PCMTD2: variants seen among roughly 807,000 people sequenced by gnomAD.
The protein encoded by PCMTD2 is protein-L-isoaspartate O-methyltransferase domain-containing protein 2.
Under a neutral mutation model 33.4 loss-of-function variants are expected in PCMTD2, and 16 were observed. That is an observed-to-expected ratio of 0.48 (90% CI 0.32 to 0.73). The LOEUF (loss-of-function observed/expected upper bound fraction) is 0.73. Among genes scored for constraint, PCMTD2 ranks in the 30% least tolerant of loss-of-function variants. The probability of loss-of-function intolerance (pLI) is 0.03; values close to 1 mark genes in which losing one functional copy is unlikely to be tolerated. For synonymous variants in PCMTD2, 161 were observed against 160.8 expected, an observed-to-expected ratio of 1.00 and a Z score of -0.01; for missense variants, 374 against 449.9, an observed-to-expected ratio of 0.83 and a Z score of 1.53.
At chr20:64,265,693 C>T (rs1985629314) in intron 4 of PCMTD2, 1 of 356,454 alleles carries the variant, frequency 2.8e-6, no homozygotes, top group Admixed American at 4.4e-5. Context: ...TCTTCTGTCC[C>T]TTCCCCCTCA....
At position 64,275,470 on chromosome 20, in the gene PCMTD2, AATTAT is replaced by A. The variant is rs1488597942; in HGVS notation, c.*1875_*1879del. 1 of 152,206 alleles carries A rather than the reference AATTAT, an allele frequency of 6.6e-6. No homozygotes were observed. Among genetic ancestry groups the A allele is most frequent in the Non-Finnish European group, 1.5e-5 (1 of 68,022 alleles). 9.4% of individuals were successfully genotyped at this position (152,206 alleles called of 1,614,324 possible). Reference sequence around the variant, plus strand: ...TTTGCCTTTATGCTAGATTGTAAAAAATTATATTAGAATGCATAAGACATGTTTTT... The same window carrying A: ...TTTGCCTTTATGCTAGATTGTAAAAAATTAGAATGCATAAGACATGTTTTT... On this transcript the variant is annotated 3_prime_UTR_variant, in exon 6 of 6. Coordinates refer to ENST00000308824, the MANE Select transcript of PCMTD2 (RefSeq NM_018257.3).
chr20:64,260,214 G>A lies in PCMTD2; in HGVS notation c.249G>A (p.Ser83=), dbSNP rs150634320. ...MEALDLQPGL[S]FLNLGSGTGY... Reference sequence around the variant, plus strand: ...CCCTAGATCTGCAGCCTGGACTCTCGTTTCTGAACCTGGGCAGTGGCACTG... The same window carrying A: ...CCCTAGATCTGCAGCCTGGACTCTCATTTCTGAACCTGGGCAGTGGCACTG... Residue 83 remains serine, a synonymous_variant, in exon 2 of 6, where the codon TCG becomes TCA. Coordinates refer to ENST00000308824, the MANE Select transcript of PCMTD2 (RefSeq NM_018257.3). 54 of 1,613,964 alleles carry A rather than the reference G, an allele frequency of 3.3e-5. No individual in the cohort carries two copies. The East Asian group carries it at 9.8e-4, about 29-fold the overall frequency.
chr20:64,261,202 C>T (rs939162458), intron 2 of PCMTD2, among the ~76,000 whole-genome samples: 2 of 152,082 alleles, frequency 1.3e-5, no homozygotes, highest in African/African-American at 4.8e-5. Context: ...GCGGGGAAGG[C>T]ATCTGTTTTT....
At chr20:64,263,842 TTTAAG>T (rs1985535745) in intron 2 of PCMTD2, among the ~76,000 whole-genome samples, 1 of 152,330 alleles carries the variant, frequency 6.6e-6, no homozygotes, top group South Asian at 2.1e-4. Flanking sequence ...GAGAGACCCA[TTTAAG>T]TTGAGTGTCA....
chr20:64,274,697 A>G lies in PCMTD2; in HGVS notation c.*1097A>G, dbSNP rs1986045373. On this transcript the variant is annotated 3_prime_UTR_variant, in exon 6 of 6. Transcript: ENST00000308824. The stretch of plus-strand genomic sequence containing the variant: ...TAAGACCAAATGTATGTATTTTAGT[A>G]GCTCCATTGCATGAGAAGAGTGTAA... The G allele has an allele frequency of 6.6e-6, 1 of 152,234 alleles. No homozygotes were observed. The highest frequency in any genetic ancestry group is 2.4e-5 in the African/African-American group (1 of 41,456). The allele number at this position is 152,234 out of a possible 1,614,324, so 9.4% of individuals were successfully genotyped here. A position where few individuals can be genotyped will look rare whatever the true frequency, so the allele number is the denominator to read the frequency against.
At chr20:64,266,300 C>G (rs1260669675) in intron 4 of PCMTD2, among the ~76,000 whole-genome samples, 1 of 152,016 alleles carries the variant, frequency 6.6e-6, no homozygotes, top group African/African-American at 2.4e-5. Context: ...CTCTGTCGCC[C>G]AGGCTGGAGT....
intron 2 of PCMTD2, among the ~76,000 whole-genome samples, chr20:64,261,240 G>A (rs773456597): frequency 5.9e-5 from 9 of 152,186 alleles, no homozygotes; most frequent in South Asian, 2.1e-4. Flanking sequence ...AAGTTTTGCC[G>A]GAGGGGTGAT....
chr20:64,265,653 A>G (rs373026206), intron 4 of PCMTD2: 2 of 400,842 alleles, frequency 5.0e-6, no homozygotes, highest in South Asian at 1.0e-4. Flanking sequence ...GCTTTTCTCC[A>G]CCTTCCTTCT....
intron 2 of PCMTD2, among the ~76,000 whole-genome samples, chr20:64,262,285 G>A (rs1985455504): frequency 6.6e-6 from 1 of 152,120 alleles, no homozygotes; most frequent in Non-Finnish European, 1.5e-5. Context: ...GCCTGAAATG[G>A]CCTTGCTGTA....
rs114111763 is a variant in PCMTD2, at chr20:64,264,270, C to T, written c.308-159C>T. 6.2e-3 allele frequency among the ~76,000 whole-genome samples: 942 copies of T among 152,316 alleles called. 11 individuals carry two copies. The highest frequency in any genetic ancestry group is 0.021 in the African/African-American group (889 of 41,558). ...GAGAAGCCCAGGCCTCAAGTATTTACGATGTGGTGAGCCGTGATACTGTGA... is the reference window on the plus strand; with the variant it reads ...GAGAAGCCCAGGCCTCAAGTATTTATGATGTGGTGAGCCGTGATACTGTGA... On this transcript the variant is annotated intron_variant, in intron 2 of 5. Coordinates refer to ENST00000308824, the MANE Select transcript of PCMTD2 (RefSeq NM_018257.3).
chr20:64,262,109 C>G lies in PCMTD2; in HGVS notation c.307+1837C>G, dbSNP rs185277221. On this transcript the variant is annotated intron_variant, in intron 2 of 5. Transcript: ENST00000308824. ...CCCTACCAAAAGTATAAGAAAGTAC[C>G]TGGGTGTGGTGGTGCACACCTATAA... Among the ~76,000 whole-genome samples the G allele has an allele frequency of 9.2e-5, 14 of 152,186 alleles. No homozygotes were observed. The East Asian group carries it at 2.7e-3, about 29-fold the overall frequency.
intron 4 of PCMTD2, 88 bp from the exon 5 acceptor site, chr20:64,267,799 G>A (rs1985718626): frequency 9.2e-7 from 1 of 1,081,092 alleles, no homozygotes; most frequent in Admixed American, 2.2e-5. Context: ...GCATTTCTAT[G>A]TATTTTTATA....
At chr20:64,259,320 G>A (rs1329586619) in intron 1 of PCMTD2, among the ~76,000 whole-genome samples, 1 of 151,560 alleles carries the variant, frequency 6.6e-6, no homozygotes, top group Non-Finnish European at 1.5e-5. Flanking sequence ...GTACTTTTGT[G>A]TATGTTGGGG....
rs1170691051 is a variant in PCMTD2 at position 64,257,829 on chromosome 20, A to G, written c.-25+1959A>G. The stretch of plus-strand genomic sequence containing the variant: ...TTTTGCCATACAGTCCTGGGTTTGA[A>G]TGCAGCCCCCTCCTCACAAACTGGC... On this transcript the variant is annotated intron_variant, in intron 1 of 5. Transcript: ENST00000308824. Among the ~76,000 whole-genome samples, 3 of 152,350 alleles carry G rather than the reference A, an allele frequency of 2.0e-5. 1 individual carries two copies. The highest frequency in any genetic ancestry group is 1.5e-5 in the Non-Finnish European group (1 of 68,032).
At chr20:64,265,635 C>T (rs779354967) in intron 4 of PCMTD2, 9 of 411,124 alleles carry the variant, frequency 2.2e-5, no homozygotes, top group Non-Finnish European at 3.9e-5. Flanking sequence ...AGAGCCTGCA[C>T]GTGAAACGCT....
chr20:64,272,830 A>G (rs1418970839), intron 5 of PCMTD2, among the ~76,000 whole-genome samples: 1 of 152,188 alleles, frequency 6.6e-6, no homozygotes, highest in African/African-American at 2.4e-5. Flanking sequence ...CAAAAAAAGA[A>G]TGTTGGAGAC....
intron 2 of PCMTD2, among the ~76,000 whole-genome samples, chr20:64,260,792 A>C (rs112515787): frequency 0.032 from 4,475 of 140,200 alleles, 99 homozygotes; most frequent in Non-Finnish European, 0.041. Context: ...TGTAGCCTTG[A>C]CCTCCTGGGA....
Position 64,273,215 on chromosome 20 carries a change from C to A in PCMTD2, c.707-6C>A, listed in dbSNP as rs775314654. 2.7e-5 allele frequency: 43 copies of A among 1,610,758 alleles called. 1 individual carries two copies. The highest frequency in any genetic ancestry group is 3.3e-5 in the Non-Finnish European group (39 of 1,178,166). ...TTTGACTGTGTCTCACTCTTCTGTG[C>A]TGCAGCACCAGTGGCAGTTCGCAGC... is the stretch of plus-strand genomic sequence containing the variant. On this transcript the variant is annotated splice_polypyrimidine_tract_variant and splice_region_variant and intron_variant, in intron 5 of 5. Transcript: ENST00000308824.
At position 64,273,697 on chromosome 20, in the gene PCMTD2, T is replaced by C. The variant is rs940139562; in HGVS notation, c.*97T>C. The C allele has an allele frequency of 3.7e-6, 4 of 1,077,128 alleles. No homozygotes were observed. Among genetic ancestry groups the C allele is most frequent in the Admixed American group, 5.3e-5 (2 of 37,556 alleles). The allele number at this position is 1,077,128 out of a possible 1,614,324, so 66.7% of individuals were successfully genotyped here. A position where few individuals can be genotyped will look rare whatever the true frequency, so the allele number is the denominator to read the frequency against. On this transcript the variant is annotated 3_prime_UTR_variant, in exon 6 of 6. Coordinates refer to ENST00000308824, the MANE Select transcript of PCMTD2 (RefSeq NM_018257.3). ...TTGAAGGGTCACCTGGAGGCAGACG[T>C]TGTGGGGAAGGGAACTGCTGGGCTC...
Sources: allele counts gnomAD v4.1 joint callset (sites outside exome capture counted in the v4.1 genomes callset), GRCh38; gene constraint gnomAD v4.1.1; transcripts MANE v1.5; gene names NCBI Gene and HGNC (gene_info 2026-07-23, HGNC 2026-07-21).